CLSTN3: variants seen among roughly 807,000 people sequenced by gnomAD.
CLSTN3 encodes calsyntenin 3, also known as calsyntenin-3.
CLSTN3 carries 36 observed loss-of-function variants against 95.9 expected under a neutral mutation model. The observed-to-expected ratio is 0.38, with a 90% CI of 0.29 to 0.50. The LOEUF (loss-of-function observed/expected upper bound fraction) is 0.50, where lower values mean the gene tolerates loss of function less well. CLSTN3 is among the 20% of genes least tolerant of loss of function. The probability of loss-of-function intolerance (pLI) is 0.95; values close to 1 mark genes in which losing one functional copy is unlikely to be tolerated. For missense variants in CLSTN3, 1,084 were observed against 1,268.8 expected (o/e 0.85, Z 2.21); for synonymous variants, 481 against 504.0 (o/e 0.95, Z 0.61).
rs758328148 is a variant in CLSTN3, at chr12:7,143,134, T to C, written c.1699-29T>C. 2.1e-5 allele frequency: 33 copies of C among 1,607,690 alleles called. No individual in the cohort carries two copies. The South Asian group carries it at 3.3e-4, about 16-fold the overall frequency. The stretch of plus-strand genomic sequence containing the variant: ...TTCCTCTGCCACCTCCTGGCCCTGC[T>C]CTCAGCTGTATCTGTGTCTGGGGCC... On this transcript the variant is annotated intron_variant, in intron 11 of 17. Coordinates refer to ENST00000266546, the MANE Select transcript of CLSTN3 (RefSeq NM_014718.4).
chr12:7,150,387 G>A lies in CLSTN3; in HGVS notation c.2246-157G>A. The A allele has an allele frequency of 1.3e-6, 1 of 742,138 alleles. No homozygotes were observed. The highest frequency in any genetic ancestry group is 2.1e-6 in the Non-Finnish European group (1 of 472,098). 46.0% of individuals were successfully genotyped at this position (742,138 alleles called of 1,614,324 possible). On this transcript the variant is annotated intron_variant, in intron 14 of 17. Transcript: ENST00000266546. This position sits in a 1 kb window ranked among gnomAD's most constrained non-coding sequence, Gnocchi z 4.0. ...TCAGAGTGGGCAGGGATGGAGGGGA[G>A]CATCCCTCCCTTCGACCTCAGGTCG... is the stretch of plus-strand genomic sequence containing the variant.
chr12:7,130,303 T>TGCCCCCC, upstream of CLSTN3: 3 of 778,318 alleles, frequency 3.9e-6, no homozygotes, highest in Non-Finnish European at 4.9e-6. Context: ...CAGCACCTGG[T>TGCCCCCC]CCCCCCCCCT....
chr12:7,140,885 G>C (rs1939513849), intron 8 of CLSTN3, among the ~76,000 whole-genome samples: 1 of 152,076 alleles, frequency 6.6e-6, no homozygotes, highest in Non-Finnish European at 1.5e-5. Context: ...CCAGCCTGGG[G>C]GACAGAAGGA....
Position 7,135,853 on chromosome 12 carries a change from T to C in CLSTN3, c.642T>C (p.Tyr214=). The C allele has an allele frequency of 6.2e-7, 1 of 1,613,904 alleles. No individual in the cohort carries two copies. Residue 214 remains tyrosine, a synonymous_variant, in exon 5 of 18, where the codon TAT becomes TAC. Transcript: ENST00000266546. ...TGCAGTACAGTGGTGAGAGGCTCTATAAGTTTACAGTGACAGCTTATGACT... is the reference window on the plus strand; with the variant it reads ...TGCAGTACAGTGGTGAGAGGCTCTACAAGTTTACAGTGACAGCTTATGACT... ...EKLQYSGERL[Y]KFTVTAYDCG...
At chr12:7,131,746 C>G in intron 1 of CLSTN3, 1 of 455,888 alleles carries the variant, frequency 2.2e-6, no homozygotes, top group South Asian at 1.5e-5. Flanking sequence ...CTCAGCCTCG[C>G]CTCCTAGCCT....
upstream of CLSTN3, chr12:7,130,343 T>G: frequency 3.3e-5 from 33 of 1,005,226 alleles, no homozygotes; most frequent in Middle Eastern, 8.7e-4. Flanking sequence ...GGCGGCCCCA[T>G]CAATCGTTGC....
At position 7,137,131 on chromosome 12, in the gene CLSTN3, C is replaced by G; in HGVS notation, c.1210+21C>G. The G allele has an allele frequency of 6.3e-7, 1 of 1,585,398 alleles. No homozygotes were observed. The highest frequency in any genetic ancestry group is 8.6e-7 in the Non-Finnish European group (1 of 1,164,936). On this transcript the variant is annotated intron_variant, in intron 7 of 17. Coordinates refer to ENST00000266546, the MANE Select transcript of CLSTN3 (RefSeq NM_014718.4). The surrounding 1 kb of genome is among the most constrained non-coding windows in gnomAD (Gnocchi z 4.4). Reference sequence around the variant, plus strand: ...GAATGGTGAGCCTCCCCTCCAGGCACTAGCCAGAGGGGGAAACTGGCTTCT... The same window carrying G: ...GAATGGTGAGCCTCCCCTCCAGGCAGTAGCCAGAGGGGGAAACTGGCTTCT...
At position 7,157,601 on chromosome 12, in the gene CLSTN3, C is replaced by T. The variant is rs200937199; in HGVS notation, c.2640C>T (p.Ala880=). The T allele has an allele frequency of 2.8e-4, 444 of 1,612,632 alleles. 2 individuals are homozygous for T. The East Asian group carries it at 6.6e-3, about 24-fold the overall frequency. The change falls in exon 17 of 18, where the codon GCC becomes GCT. Residue 880 remains alanine (A), a synonymous_variant. Transcript: ENST00000266546. This position sits in a 1 kb window ranked among gnomAD's most constrained non-coding sequence, Gnocchi z 5.9. The part of the protein sequence containing the change: ...IHSLHRRVSG[A]GGPPGASSDP... The stretch of plus-strand genomic sequence containing the variant: ...CCCTTCACCGCCGCGTCTCAGGGGC[C>T]GGCGGGCCTCCAGGGGCCTCCAGTG...
Position 7,133,476 on chromosome 12 carries a change from C to A in CLSTN3, c.188-97C>A. On this transcript the variant is annotated intron_variant, in intron 2 of 17. Coordinates refer to ENST00000266546, the MANE Select transcript of CLSTN3 (RefSeq NM_014718.4). The surrounding 1 kb of genome is among the most constrained non-coding windows in gnomAD (Gnocchi z 4.7). ...TGTGCCTACAGGAGAAGGGACAGGG[C>A]TTTGGGAGGAGAGGTGGAGCTGGAC... The A allele has an allele frequency of 8.3e-7, 1 of 1,211,056 alleles. No individual in the cohort carries two copies. Among genetic ancestry groups the A allele is most frequent in the Non-Finnish European group, 1.2e-6 (1 of 833,592 alleles). The allele number at this position is 1,211,056 out of a possible 1,614,324, so 75.0% of individuals were successfully genotyped here.
At position 7,133,428 on chromosome 12, in the gene CLSTN3, G is replaced by C. The variant is rs753735924; in HGVS notation, c.188-145G>C. On this transcript the variant is annotated intron_variant, in intron 2 of 17. Coordinates refer to ENST00000266546, the MANE Select transcript of CLSTN3 (RefSeq NM_014718.4). The surrounding 1 kb of genome is among the most constrained non-coding windows in gnomAD (Gnocchi z 4.7). ...GCTCAGGGAAGCTGGGCTTAGAGTT[G>C]CGTGTTTGATCATTAATGCTTTTGT... The C allele has an allele frequency of 7.4e-5, 62 of 837,668 alleles. No homozygotes were observed. In the African/African-American group the frequency reaches 9.7e-4, roughly 13 times the overall value. The allele number at this position is 837,668 out of a possible 1,614,324, so 51.9% of individuals were successfully genotyped here. A position where few individuals can be genotyped will look rare whatever the true frequency, so the allele number is the denominator to read the frequency against.
chr12:7,133,828 C>A lies in CLSTN3; in HGVS notation c.383+60C>A. ...CAGGGTCCTCCTCCCTGCTCCCAAGCCCACCATCCTCTGTCCGTGCGGTCA... is the reference window on the plus strand; with the variant it reads ...CAGGGTCCTCCTCCCTGCTCCCAAGACCACCATCCTCTGTCCGTGCGGTCA... On this transcript the variant is annotated intron_variant, in intron 3 of 17. Transcript: ENST00000266546. The surrounding 1 kb of genome is among the most constrained non-coding windows in gnomAD (Gnocchi z 4.7). The A allele has an allele frequency of 7.2e-7, 1 of 1,380,058 alleles. No homozygotes were observed. The highest frequency in any genetic ancestry group is 9.9e-7 in the Non-Finnish European group (1 of 1,011,136). The allele number at this position is 1,380,058 out of a possible 1,614,324, so 85.5% of individuals were successfully genotyped here.
intron 1 of CLSTN3, chr12:7,131,670 G>T (rs756194264): frequency 7.1e-6 from 3 of 421,750 alleles, no homozygotes; most frequent in Non-Finnish European, 1.4e-5. Context: ...GTGGGAGGGG[G>T]AGCTGTGCAG....
rs1481134509 is a variant in CLSTN3 at position 7,149,498 on chromosome 12, C to G, written c.2075-25C>G. ...CCTCCGTGGGCCCTTTGGCTCTGAC[C>G]CAGACCCTACTATCCCCAACCCAGT... is the stretch of plus-strand genomic sequence containing the variant. On this transcript the variant is annotated intron_variant, in intron 13 of 17. Transcript: ENST00000266546. The surrounding 1 kb of genome is among the most constrained non-coding windows in gnomAD (Gnocchi z 4.5). 1.3e-6 allele frequency: 2 copies of G among 1,593,656 alleles called. No homozygotes were observed. The highest frequency in any genetic ancestry group is 1.7e-6 in the Non-Finnish European group (2 of 1,167,956).
chr12:7,133,170 A>C lies in CLSTN3; in HGVS notation c.187+24A>C, dbSNP rs370470731. On this transcript the variant is annotated intron_variant, in intron 2 of 17. Coordinates refer to ENST00000266546, the MANE Select transcript of CLSTN3 (RefSeq NM_014718.4). This position sits in a 1 kb window ranked among gnomAD's most constrained non-coding sequence, Gnocchi z 4.7. ...AGGTAATTGGGATTGGGGGATGGCA[A>C]GGCAGGGTAGGACAGAGAAAAGTGG... The C allele has an allele frequency of 8.1e-5, 114 of 1,406,304 alleles. No individual in the cohort carries two copies. Among genetic ancestry groups the C allele is most frequent in the Middle Eastern group, 6.0e-4 (3 of 5,040 alleles). The allele number at this position is 1,406,304 out of a possible 1,614,324, so 87.1% of individuals were successfully genotyped here.
At position 7,136,683 on chromosome 12, in the gene CLSTN3, C is replaced by T. The variant is rs938640766; in HGVS notation, c.929-146C>T. 5.7e-6 allele frequency: 5 copies of T among 883,252 alleles called. No individual in the cohort carries two copies. The South Asian group carries it at 7.8e-5, about 14-fold the overall frequency. 54.7% of individuals were successfully genotyped at this position (883,252 alleles called of 1,614,324 possible). A position where few individuals can be genotyped will look rare whatever the true frequency, so the allele number is the denominator to read the frequency against. ...GATACTCTTAGAAGTGAGTTCATCCCTCTCTTGTCTTTGAAAGGCCATAAA... is the reference window on the plus strand; with the variant it reads ...GATACTCTTAGAAGTGAGTTCATCCTTCTCTTGTCTTTGAAAGGCCATAAA... On this transcript the variant is annotated intron_variant, in intron 6 of 17. Transcript: ENST00000266546.
At position 7,143,268 on chromosome 12, in the gene CLSTN3, G is replaced by A. The variant is rs748109521; in HGVS notation, c.1804G>A (p.Ala602Thr). 5 of 1,612,406 alleles carry A rather than the reference G, an allele frequency of 3.1e-6. No individual in the cohort carries two copies. The East Asian group carries it at 1.1e-4, about 36-fold the overall frequency. Reference protein sequence around the residue: ...HVAYMNTLRFATPGVRPLRLT... With the variant: ...HVAYMNTLRFTTPGVRPLRLT... ...GGCTTACATGAACACTCTGCGCTTTGCCACGCCCGGCGTCAGGCCCCTGCG... is the reference window on the plus strand; with the variant it reads ...GGCTTACATGAACACTCTGCGCTTTACCACGCCCGGCGTCAGGCCCCTGCG... The change falls in exon 12 of 18, where the codon GCC (alanine) becomes ACC (threonine). Residue 602 changes from alanine (A) to threonine (T), a missense_variant. Transcript: ENST00000266546.
At position 7,157,869 on chromosome 12, in the gene CLSTN3, G is replaced by A; in HGVS notation, c.2731-72G>A. ...AGGGGTTAAGGGGACCGAGGGAAGT[G>A]TGGTCCCTGAAAGAGAGGCTGGGAT... On this transcript the variant is annotated intron_variant, in intron 17 of 17. Transcript: ENST00000266546. The surrounding 1 kb of genome is among the most constrained non-coding windows in gnomAD (Gnocchi z 5.9). 6.5e-7 allele frequency: 1 copy of A among 1,535,232 alleles called. No homozygotes were observed. The highest frequency in any genetic ancestry group is 2.5e-5 in the East Asian group (1 of 40,790).
At position 7,137,451 on chromosome 12, in the gene CLSTN3, C is replaced by T; in HGVS notation, c.1210+341C>T. The T allele has an allele frequency of 3.2e-6, 1 of 314,476 alleles. No homozygotes were observed. Among genetic ancestry groups the T allele is most frequent in the Non-Finnish European group, 6.1e-6 (1 of 164,648 alleles). 19.5% of individuals were successfully genotyped at this position (314,476 alleles called of 1,614,324 possible). On this transcript the variant is annotated intron_variant, in intron 7 of 17. Coordinates refer to ENST00000266546, the MANE Select transcript of CLSTN3 (RefSeq NM_014718.4). This position sits in a 1 kb window ranked among gnomAD's most constrained non-coding sequence, Gnocchi z 4.4. ...ATGGGAAAGCCTGGGTAATGGTGTG[C>T]CCCATTCTTTCATCATCCCATCCTG...
chr12:7,148,196 G>C (rs1757751798), intron 12 of CLSTN3, among the ~76,000 whole-genome samples: 1 of 131,070 alleles, frequency 7.6e-6, no homozygotes, highest in African/African-American at 3.1e-5. Flanking sequence ...AAGAAAGAAA[G>C]AAAGAAAGAA....
Sources: gnomAD v4.1 joint callset for allele counts (sites outside exome capture counted in the v4.1 genomes callset) on GRCh38, gnomAD v4.1.1 for gene constraint, Gnocchi (gnomAD v3.1) non-coding constraint, MANE v1.5 for transcripts, NCBI Gene and HGNC (gene_info 2026-07-23, HGNC 2026-07-21) for gene names.